Variants in PCNP observed in about 807,000 individuals in gnomAD.
PCNP encodes PEST proteolytic signal-containing nuclear protein.
In PCNP, 6 loss-of-function variants were observed where a neutral mutation model predicts 21.8. The observed-to-expected ratio is 0.28, with a 90% CI of 0.15 to 0.54. PCNP has a LOEUF of 0.54. PCNP is among the 20% of genes least tolerant of loss of function. The pLI, the probability that PCNP is intolerant of heterozygous loss-of-function variation, is 0.95. For synonymous variants in PCNP, 67 were observed against 73.2 expected (o/e 0.92, Z 0.43); for missense variants, 161 against 215.5 (o/e 0.75, Z 1.58).
chr3:101,576,560 G>C, intron 1 of PCNP: 3 of 1,610,862 alleles, frequency 1.9e-6, no homozygotes, highest in South Asian at 1.1e-5. Context: ...CCTCGGACAC[G>C]AAGGCCCCAG....
chr3:101,588,043 C>A (rs894638953), intron 3 of PCNP, among the ~76,000 whole-genome samples: 1 of 152,188 alleles, frequency 6.6e-6, no homozygotes, highest in Non-Finnish European at 1.5e-5. Context: ...GAGGCCGAGG[C>A]GGGTGGATCA....
At chr3:101,582,445 G>T (rs530947262) in intron 2 of PCNP, among the ~76,000 whole-genome samples, 2 of 152,100 alleles carry the variant, frequency 1.3e-5, no homozygotes, top group East Asian at 3.9e-4. Context: ...GTGAGACTCC[G>T]TCTCAAAAAT....
chr3:101,577,833 A>G (rs1935007791), intron 1 of PCNP, among the ~76,000 whole-genome samples: 3 of 152,178 alleles, frequency 2.0e-5, no homozygotes, highest in South Asian at 2.1e-4. Context: ...TTACTAGGTA[A>G]TTTTTTCAAA....
intron 1 of PCNP, among the ~76,000 whole-genome samples, chr3:101,574,666 A>G (rs17345381): frequency 3.9e-5 from 6 of 152,092 alleles, no homozygotes; most frequent in Admixed American, 3.9e-4. Flanking sequence ...ATGAGACATA[A>G]CATACACACA....
At chr3:101,578,690 A>G (rs758127324) in intron 1 of PCNP, among the ~76,000 whole-genome samples, 16 of 152,338 alleles carry the variant, frequency 1.1e-4, no homozygotes, top group African/African-American at 1.9e-4. Flanking sequence ...ATCTATATCT[A>G]TAGCCTCTGA....
intron 1 of PCNP, chr3:101,576,595 C>G (rs1934909716): frequency 2.5e-6 from 4 of 1,611,050 alleles, no homozygotes; most frequent in Admixed American, 1.7e-5. Flanking sequence ...TCTATGGGCC[C>G]GAATCTTCTT....
At chr3:101,579,544 G>C in intron 1 of PCNP, 1 of 637,050 alleles carries the variant, frequency 1.6e-6, no homozygotes, top group South Asian at 1.5e-5. Context: ...GACTTTTTGT[G>C]AACTCTGTGT....
chr3:101,590,422 G>A, intron 4 of PCNP, 152 bp downstream of exon 4: 4 of 564,856 alleles, frequency 7.1e-6, no homozygotes, highest in Non-Finnish European at 9.5e-6. Context: ...GATTAATTAG[G>A]ATTTTGAAGA....
At chr3:101,591,513 G>C (rs77101480) in intron 4 of PCNP, among the ~76,000 whole-genome samples, 1,757 of 152,266 alleles carry the variant, frequency 0.012, 32 homozygotes, top group African/African-American at 0.04. Flanking sequence ...CATACTGAGC[G>C]TAAAGTAGGA....
chr3:101,579,720 G>A, intron 1 of PCNP, 70 bp from the exon 2 acceptor site: 2 of 1,016,454 alleles, frequency 2.0e-6, no homozygotes, highest in Non-Finnish European at 3.2e-6. Context: ...GATGCTTTTT[G>A]AGGTTGCTGC....
In PCNP at chr3:101,592,846, G is replaced by A. The variant is rs1380075783; in HGVS notation, c.*93G>A. 24 of 1,135,132 alleles carry A rather than the reference G, an allele frequency of 2.1e-5. No individual in the cohort carries two copies. The highest frequency in any genetic ancestry group is 6.4e-5 in the African/African-American group (4 of 62,108). The allele number at this position is 1,135,132 out of a possible 1,614,324, so 70.3% of individuals were successfully genotyped here. On this transcript the variant is annotated 3_prime_UTR_variant, in exon 5 of 5. Coordinates refer to ENST00000265260, the MANE Select transcript of PCNP (RefSeq NM_020357.3). The stretch of plus-strand genomic sequence containing the variant: ...ATGGTATAAGACTATCTTTGGAGCC[G>A]CTTTTTTTTTCTTTTTCATTTTTTT...
At chr3:101,589,750 T>C (rs1414626712) in intron 3 of PCNP, 1 of 166,344 alleles carries the variant, frequency 6.0e-6, no homozygotes, top group Non-Finnish European at 1.3e-5. Flanking sequence ...GTAGTAGATA[T>C]TTTTGAGGAG....
At chr3:101,579,629 T>G (rs1935121030) in intron 1 of PCNP, 161 bp from the exon 2 acceptor site, 1 of 718,512 alleles carries the variant, frequency 1.4e-6, no homozygotes. Flanking sequence ...ACAATCTCAG[T>G]TCCTGCTGTA....
chr3:101,586,545 CGTGTGT>C (rs377617517), intron 3 of PCNP, among the ~76,000 whole-genome samples: 12 of 99,774 alleles, frequency 1.2e-4, no homozygotes, highest in Non-Finnish European at 1.4e-4. Flanking sequence ...GGCGTATATT[CGTGTGT>C]GTGTGTGTGT....
chr3:101,587,790 A>G (rs1170737911), intron 3 of PCNP, among the ~76,000 whole-genome samples: 3 of 152,102 alleles, frequency 2.0e-5, no homozygotes, highest in Non-Finnish European at 4.4e-5. Context: ...CTATTCAGAT[A>G]TGTACAGACT....
In PCNP at chr3:101,593,309, G is replaced by A. The variant is rs1935910238; in HGVS notation, c.*556G>A. 1 of 152,530 alleles carries A rather than the reference G, an allele frequency of 6.6e-6. No homozygotes were observed. The highest frequency in any genetic ancestry group is 1.5e-5 in the Non-Finnish European group (1 of 68,004). 9.4% of individuals were successfully genotyped at this position (152,530 alleles called of 1,614,324 possible). A position where few individuals can be genotyped will look rare whatever the true frequency, so the allele number is the denominator to read the frequency against. ...AACTAGGTATTGCATTGCTATCCGT[G>A]GATACAGACGCTTAGCTCTTAAAAG... is the stretch of plus-strand genomic sequence containing the variant. On this transcript the variant is annotated 3_prime_UTR_variant, in exon 5 of 5. Coordinates refer to ENST00000265260, the MANE Select transcript of PCNP (RefSeq NM_020357.3).
intron 3 of PCNP, among the ~76,000 whole-genome samples, chr3:101,586,247 A>G (rs1291591184): frequency 2.0e-5 from 3 of 151,744 alleles, no homozygotes; most frequent in Non-Finnish European, 2.9e-5. Flanking sequence ...ATAACAATTC[A>G]ATAGTGCTGG....
chr3:101,575,445 A>G (rs944049784), intron 1 of PCNP, among the ~76,000 whole-genome samples: 1 of 151,030 alleles, frequency 6.6e-6, no homozygotes, highest in African/African-American at 2.4e-5. Context: ...TTAAGCTGGA[A>G]CTCCATCTCT....
At chr3:101,574,132 C>T, upstream of PCNP, 2 of 1,507,038 alleles carry the variant, frequency 1.3e-6, no homozygotes, top group Non-Finnish European at 1.8e-6. Flanking sequence ...TGCCACCACG[C>T]CGGCTGGCCC....
Sources: allele counts gnomAD v4.1 joint callset (sites outside exome capture counted in the v4.1 genomes callset), GRCh38; gene constraint gnomAD v4.1.1; transcripts MANE v1.5; gene names NCBI Gene and HGNC (gene_info 2026-07-23, HGNC 2026-07-21).